AGMO: variants seen among roughly 807,000 people sequenced by gnomAD.
The protein encoded by AGMO is glyceryl-ether monooxygenase.
A neutral mutation model predicts 60.2 loss-of-function variants in AGMO; 75 were observed. That is an observed-to-expected ratio of 1.25 (90% CI 1.03 to 1.51). The LOEUF (loss-of-function observed/expected upper bound fraction) is 1.51. Ranked by LOEUF, AGMO falls within the 40% of genes most tolerant of loss-of-function variation. The probability of loss-of-function intolerance (pLI) is 0.00; values close to 1 mark genes in which losing one functional copy is unlikely to be tolerated. For missense variants in AGMO, 763 were observed against 525.5 expected (o/e 1.45, Z -4.42); for synonymous variants, 261 against 177.1 (o/e 1.47, Z -3.76).
intron 4 of AGMO, among the ~76,000 whole-genome samples, chr7:15,428,196 A>G (rs1028666569): frequency 1.3e-5 from 2 of 152,196 alleles, no homozygotes; most frequent in East Asian, 3.9e-4. Context: ...AGTGTGCCCT[A>G]TAATTTTGAT....
rs563350708 is a variant in AGMO at position 15,308,809 on chromosome 7, T to C, written c.1263+56705A>G. 5.3e-5 allele frequency among the ~76,000 whole-genome samples: 8 copies of C among 152,272 alleles called. 1 individual carries two copies. The highest frequency in any genetic ancestry group is 1.9e-4 in the African/African-American group (8 of 41,564). On this transcript the variant is annotated intron_variant, in intron 12 of 12. Coordinates refer to ENST00000342526, the MANE Select transcript of AGMO (RefSeq NM_001004320.2). ...AACTCTTGGAAGCCACCAGTGTTTT[T>C]TACATATTGTGGATAAAGAAACAAA...
intron 12 of AGMO, among the ~76,000 whole-genome samples, chr7:15,304,480 A>G (rs1432853742): frequency 6.6e-6 from 1 of 152,112 alleles, no homozygotes; most frequent in African/African-American, 2.4e-5. Flanking sequence ...CAATTTTGCT[A>G]TTACTAAATG....
At chr7:15,358,434 G>A (rs1443377324) in intron 12 of AGMO, 1 of 471,236 alleles carries the variant, frequency 2.1e-6, no homozygotes, top group Non-Finnish European at 4.4e-6. Flanking sequence ...TGGAAGACAA[G>A]TAGGGTGTTT....
the AGMO span, among the ~76,000 whole-genome samples, chr7:15,123,400 T>C: frequency 1.8e-3 from 274 of 152,052 alleles, 1 homozygote; most frequent in Non-Finnish European, 3.5e-3. Flanking sequence ...TTTTTCAATG[T>C]ATCCTAAGTG....
chr7:15,397,442 G>C (rs1306661405), intron 5 of AGMO, among the ~76,000 whole-genome samples: 1 of 152,132 alleles, frequency 6.6e-6, no homozygotes, highest in African/African-American at 2.4e-5. Flanking sequence ...CAGCCCCACA[G>C]AGGGCCCCCC....
At chr7:15,389,433 G>T (rs1322896387) in intron 8 of AGMO, among the ~76,000 whole-genome samples, 1 of 152,118 alleles carries the variant, frequency 6.6e-6, no homozygotes, top group Non-Finnish European at 1.5e-5. Flanking sequence ...CAAAATATTT[G>T]CTTATATTCT....
chr7:15,355,163 AATC>A (rs1356574400), intron 12 of AGMO, among the ~76,000 whole-genome samples: 4 of 151,998 alleles, frequency 2.6e-5, no homozygotes, highest in African/African-American at 4.8e-5. Flanking sequence ...AATAGAGAAA[AATC>A]ATCATCTGTG....
intron 3 of AGMO, among the ~76,000 whole-genome samples, chr7:15,533,421 T>C (rs147911246): frequency 5.5e-4 from 84 of 152,284 alleles, no homozygotes; most frequent in African/African-American, 1.8e-3. Flanking sequence ...TTGCCTGTAC[T>C]ATTCATTTTT....
At chr7:15,479,930 T>C (rs1562528189) in intron 3 of AGMO, among the ~76,000 whole-genome samples, 2 of 152,260 alleles carry the variant, frequency 1.3e-5, no homozygotes, top group South Asian at 4.1e-4. Flanking sequence ...TTTTAACTTA[T>C]GTTTAGGCAA....
At chr7:15,307,122 T>A (rs1219292196) in intron 12 of AGMO, among the ~76,000 whole-genome samples, 1 of 152,036 alleles carries the variant, frequency 6.6e-6, no homozygotes. Flanking sequence ...GTAATGATGA[T>A]GACATTCATA....
intron 3 of AGMO, among the ~76,000 whole-genome samples, chr7:15,526,874 CATT>C (rs2128538635): frequency 6.6e-6 from 1 of 152,192 alleles, no homozygotes; most frequent in South Asian, 2.1e-4. Flanking sequence ...CAAACTTTTT[CATT>C]ATTATTGTAT....
chr7:15,409,572 G>C (rs1784787315), intron 5 of AGMO, among the ~76,000 whole-genome samples: 1 of 151,852 alleles, frequency 6.6e-6, no homozygotes, highest in Non-Finnish European at 1.5e-5. Flanking sequence ...GTTTCCTGCT[G>C]CATATATGTC....
At chr7:15,294,714 A>G (rs978734766) in intron 12 of AGMO, among the ~76,000 whole-genome samples, 1 of 151,990 alleles carries the variant, frequency 6.6e-6, no homozygotes, top group Non-Finnish European at 1.5e-5. Context: ...CTATCTAAAC[A>G]TAATTGAGAA....
chr7:15,372,257 T>C (rs923427319), intron 10 of AGMO, among the ~76,000 whole-genome samples: 3 of 151,806 alleles, frequency 2.0e-5, no homozygotes, highest in Non-Finnish European at 2.9e-5. Context: ...TCAGGACCAG[T>C]CTGGCCAACA....
intron 3 of AGMO, among the ~76,000 whole-genome samples, chr7:15,464,424 T>A (rs1472603096): frequency 6.6e-6 from 1 of 152,200 alleles, no homozygotes; most frequent in Non-Finnish European, 1.5e-5. Flanking sequence ...TGTGACATGG[T>A]ATATCTGGAA....
chr7:15,153,504 G>C, the AGMO span, among the ~76,000 whole-genome samples: 1 of 152,094 alleles, frequency 6.6e-6, no homozygotes, highest in African/African-American at 2.4e-5. Context: ...GATCCATTTT[G>C]AGTTGATTTT....
chr7:15,546,493 A>C (rs923517067), intron 2 of AGMO, among the ~76,000 whole-genome samples: 2 of 152,238 alleles, frequency 1.3e-5, no homozygotes, highest in African/African-American at 4.8e-5. Context: ...TGTGCCTTGC[A>C]TGGGCCTGTT....
At chr7:15,560,880 A>C (rs557777573) in intron 1 of AGMO, among the ~76,000 whole-genome samples, 14 of 152,306 alleles carry the variant, frequency 9.2e-5, no homozygotes, top group African/African-American at 3.4e-4. Context: ...GGAGCATTGA[A>C]TTTGGTTTGA....
intron 12 of AGMO, among the ~76,000 whole-genome samples, chr7:15,302,924 A>G (rs1230480395): frequency 6.6e-6 from 1 of 152,198 alleles, no homozygotes; most frequent in Non-Finnish European, 1.5e-5. Context: ...AAATAAAGTC[A>G]GGAAAAGTAT....
Sources: gnomAD v4.1 joint callset for allele counts (sites outside exome capture counted in the v4.1 genomes callset) on GRCh38, gnomAD v4.1.1 for gene constraint, MANE v1.5 for transcripts, NCBI Gene and HGNC (gene_info 2026-07-23, HGNC 2026-07-21) for gene names.